Variants in SORCS3 observed in about 807,000 individuals in gnomAD.
The protein encoded by SORCS3 is VPS10 domain-containing receptor SorCS3.
In SORCS3, 57 loss-of-function variants were observed where a neutral mutation model predicts 146.3. The observed-to-expected ratio is 0.39, with a 90% confidence interval of 0.31 to 0.49. The LOEUF (loss-of-function observed/expected upper bound fraction) is 0.49. SORCS3 is among the 20% of genes least tolerant of loss of function. SORCS3 has a pLI of 0.92. For synonymous variants in SORCS3, 653 were observed against 618.5 expected (o/e 1.06, Z -0.83); for missense variants, 1,341 against 1,575.5 (o/e 0.85, Z 2.52).
At chr10:104,831,151 A>C (rs2017996256) in intron 1 of SORCS3, among the ~76,000 whole-genome samples, 1 of 152,278 alleles carries the variant, frequency 6.6e-6, no homozygotes, top group South Asian at 2.1e-4. Context: ...TTATACCATG[A>C]GGATACTGTC....
At chr10:105,003,067 C>T (rs959651148) in intron 4 of SORCS3, among the ~76,000 whole-genome samples, 1 of 152,210 alleles carries the variant, frequency 6.6e-6, no homozygotes. Context: ...GGGAAGTAAA[C>T]CCTGACAGCT....
intron 2 of SORCS3, among the ~76,000 whole-genome samples, chr10:104,870,195 A>C (rs1021794885): frequency 6.6e-6 from 1 of 152,244 alleles, no homozygotes; most frequent in Non-Finnish European, 1.5e-5. Flanking sequence ...CATGTAAATA[A>C]AAGCACACAT....
intron 22 of SORCS3, among the ~76,000 whole-genome samples, chr10:105,249,567 A>G (rs1290782041): frequency 1.3e-5 from 2 of 152,160 alleles, no homozygotes; most frequent in African/African-American, 4.8e-5. Flanking sequence ...TCTTTTTACA[A>G]AGAGACTATT....
Position 105,263,682 on chromosome 10 carries a change from A to G in SORCS3, c.*308A>G, listed in dbSNP as rs1410058917. On this transcript the variant is annotated 3_prime_UTR_variant, in exon 27 of 27. Transcript: ENST00000369701. ...TTCCTTGTGGTCTCCCTTTTTTCAA[A>G]ATTGAAGTTGGGTTGGCTCTTTGTG... 3.3e-6 allele frequency: 1 copy of G among 302,042 alleles called. No individual in the cohort carries two copies. 18.7% of individuals were successfully genotyped at this position (302,042 alleles called of 1,614,324 possible). A position where few individuals can be genotyped will look rare whatever the true frequency, so the allele number is the denominator to read the frequency against.
At chr10:105,224,007 C>T (rs961690637) in intron 20 of SORCS3, among the ~76,000 whole-genome samples, 3 of 152,208 alleles carry the variant, frequency 2.0e-5, no homozygotes, top group African/African-American at 7.2e-5. Flanking sequence ...TGCTTCCACA[C>T]ATGTATAGCC....
At chr10:105,076,594 G>A (rs2055590867) in intron 5 of SORCS3, among the ~76,000 whole-genome samples, 1 of 152,110 alleles carries the variant, frequency 6.6e-6, no homozygotes, top group African/African-American at 2.4e-5. Flanking sequence ...GGAGACACAG[G>A]GCCAACTGGT....
chr10:104,656,054 T>C (rs2015626005), intron 1 of SORCS3, among the ~76,000 whole-genome samples: 1 of 152,162 alleles, frequency 6.6e-6, no homozygotes, highest in Non-Finnish European at 1.5e-5. Flanking sequence ...GGATTCTGAG[T>C]CTGTAATAGT....
At chr10:105,137,255 G>C (rs530048785) in intron 7 of SORCS3, among the ~76,000 whole-genome samples, 3 of 152,160 alleles carry the variant, frequency 2.0e-5, no homozygotes, top group Non-Finnish European at 4.4e-5. Flanking sequence ...AATGTGTTTG[G>C]TTCAGGGTAA....
intron 1 of SORCS3, among the ~76,000 whole-genome samples, chr10:104,829,719 G>T (rs983384224): frequency 6.6e-6 from 1 of 152,016 alleles, no homozygotes; most frequent in South Asian, 2.1e-4. Flanking sequence ...GTTGATTTTT[G>T]ATCTTTCTTG....
intron 7 of SORCS3, among the ~76,000 whole-genome samples, chr10:105,108,343 G>A (rs184113596): frequency 6.6e-6 from 1 of 152,274 alleles, no homozygotes; most frequent in East Asian, 1.9e-4. Context: ...TTGCAGCTGA[G>A]TGTATCCATT....
intron 4 of SORCS3, among the ~76,000 whole-genome samples, chr10:105,025,712 C>T (rs139732179): frequency 2.0e-5 from 3 of 152,008 alleles, no homozygotes; most frequent in African/African-American, 7.2e-5. Flanking sequence ...CTTCAGGTTC[C>T]TCCAGGGCGG....
intron 1 of SORCS3, among the ~76,000 whole-genome samples, chr10:104,705,679 A>G (rs2016328787): frequency 6.6e-6 from 1 of 152,226 alleles, no homozygotes. Flanking sequence ...ATGGAATAAC[A>G]GGTGACCCGA....
At chr10:104,878,103 A>G (rs978983761) in intron 2 of SORCS3, among the ~76,000 whole-genome samples, 3 of 151,430 alleles carry the variant, frequency 2.0e-5, no homozygotes, top group Admixed American at 6.6e-5. Context: ...TTTTTTTTCC[A>G]TTAGCTCAGG....
intron 1 of SORCS3, among the ~76,000 whole-genome samples, chr10:104,690,282 A>G (rs1264004556): frequency 6.6e-6 from 1 of 152,126 alleles, no homozygotes; most frequent in Non-Finnish European, 1.5e-5. Flanking sequence ...TGTGGATTTG[A>G]CGGGTCAGTC....
chr10:105,162,709 G>A (rs1169744454), intron 11 of SORCS3, among the ~76,000 whole-genome samples: 1 of 152,068 alleles, frequency 6.6e-6, no homozygotes, highest in Non-Finnish European at 1.5e-5. Flanking sequence ...CCATCTAGTC[G>A]AGCTTTGAAA....
At chr10:105,060,057 T>C (rs1279430713) in intron 5 of SORCS3, among the ~76,000 whole-genome samples, 1 of 152,048 alleles carries the variant, frequency 6.6e-6, no homozygotes, top group Non-Finnish European at 1.5e-5. Flanking sequence ...ATACAAAGGA[T>C]TGTTAGGTAC....
intron 5 of SORCS3, among the ~76,000 whole-genome samples, chr10:105,060,228 C>T (rs765580003): frequency 4.6e-5 from 7 of 151,892 alleles, no homozygotes; most frequent in Admixed American, 6.6e-5. Context: ...TGGGTAATGG[C>T]GGACATTTCA....
intron 5 of SORCS3, among the ~76,000 whole-genome samples, chr10:105,072,573 T>G (rs1045360824): frequency 4.6e-5 from 7 of 152,034 alleles, no homozygotes; most frequent in African/African-American, 1.7e-4. Flanking sequence ...TTTTGCCCTG[T>G]TTTCCAGGGC....
At chr10:104,784,845 G>A (rs530745498) in intron 1 of SORCS3, among the ~76,000 whole-genome samples, 1 of 152,164 alleles carries the variant, frequency 6.6e-6, no homozygotes, top group Non-Finnish European at 1.5e-5. Context: ...TTTTTCTTGG[G>A]CTGACAGGGC....
Sources: allele counts gnomAD v4.1 joint callset (sites outside exome capture counted in the v4.1 genomes callset), GRCh38; gene constraint gnomAD v4.1.1; transcripts MANE v1.5; gene names NCBI Gene and HGNC (gene_info 2026-07-23, HGNC 2026-07-21).